OSBPL6: variants seen among roughly 807,000 people sequenced by gnomAD.
The protein encoded by OSBPL6 is oxysterol binding protein like 6.
A neutral mutation model predicts 125.8 loss-of-function variants in OSBPL6; 49 were observed. That is an observed-to-expected ratio of 0.39 (90% CI 0.31 to 0.49). The LOEUF is 0.49. OSBPL6 is among the 20% of genes least tolerant of loss of function. The pLI is 0.88. For missense variants in OSBPL6, 986 were observed against 1,135.4 expected (o/e 0.87, Z 1.89); for synonymous variants, 394 against 391.8 (o/e 1.01, Z -0.07).
chr2:178,267,293 G>A (rs946058723), intron 1 of OSBPL6, among the ~76,000 whole-genome samples: 1 of 145,496 alleles, frequency 6.9e-6, no homozygotes, highest in South Asian at 2.2e-4. Flanking sequence ...GGCGGAGGTT[G>A]CAGTGAGCTG....
intron 3 of OSBPL6, among the ~76,000 whole-genome samples, chr2:178,318,563 G>C (rs1214535632): frequency 6.6e-6 from 1 of 152,192 alleles, no homozygotes; most frequent in Non-Finnish European, 1.5e-5. Flanking sequence ...TGTTTTGAAG[G>C]AAAATCCACA....
chr2:178,332,806 C>CGTAG, intron 7 of OSBPL6, 52 bp downstream of exon 7: 3 of 1,610,006 alleles, frequency 1.9e-6, no homozygotes, highest in Non-Finnish European at 2.5e-6. Flanking sequence ...AAACGATTTG[C>CGTAG]CTACACCAGT....
chr2:178,262,393 G>A (rs1435889890), intron 1 of OSBPL6, among the ~76,000 whole-genome samples: 1 of 152,080 alleles, frequency 6.6e-6, no homozygotes, highest in African/African-American at 2.4e-5. Flanking sequence ...AAAGAAAATT[G>A]TTTTTGATGA....
At chr2:178,286,638 T>A (rs1684719062) in intron 2 of OSBPL6, among the ~76,000 whole-genome samples, 1 of 152,164 alleles carries the variant, frequency 6.6e-6, no homozygotes, top group Non-Finnish European at 1.5e-5. Flanking sequence ...GTGGAGGGTG[T>A]CATCTCAGGG....
At chr2:178,339,586 G>T in intron 10 of OSBPL6, 86 bp from the exon 11 acceptor site, 1 of 1,072,592 alleles carries the variant, frequency 9.3e-7, no homozygotes, top group Non-Finnish European at 1.3e-6. Flanking sequence ...ATGACCTTTA[G>T]TAACTTGCTG....
intron 3 of OSBPL6, among the ~76,000 whole-genome samples, chr2:178,317,464 A>G (rs1260091910): frequency 1.5e-5 from 2 of 130,858 alleles, no homozygotes; most frequent in East Asian, 4.3e-4. Context: ...ATATATATAT[A>G]TATATATATA....
At chr2:178,236,075 A>G (rs1403504494) in intron 1 of OSBPL6, among the ~76,000 whole-genome samples, 1 of 152,064 alleles carries the variant, frequency 6.6e-6, no homozygotes, top group Admixed American at 6.5e-5. Context: ...CTCATTTTAT[A>G]TGTTCTCTGC....
At chr2:178,394,197 G>A (rs1559333934) in intron 23 of OSBPL6, 116 bp from the exon 24 acceptor site, 11 of 1,341,874 alleles carry the variant, frequency 8.2e-6, no homozygotes, top group East Asian at 7.1e-5. Flanking sequence ...GACTCCGTCC[G>A]TTACTGTGCG....
chr2:178,387,171 T>C, intron 20 of OSBPL6, 32 bp downstream of exon 20: 1 of 1,509,060 alleles, frequency 6.6e-7, no homozygotes, highest in Non-Finnish European at 9.2e-7. Context: ...TTTGGCCTCT[T>C]GTCTGCTTTT....
chr2:178,290,921 T>G (rs1685197704), intron 2 of OSBPL6, among the ~76,000 whole-genome samples: 1 of 152,136 alleles, frequency 6.6e-6, no homozygotes, highest in African/African-American at 2.4e-5. Flanking sequence ...TTTTTTAATT[T>G]TATATTTGTA....
chr2:178,234,521 G>C (rs2090969700), intron 1 of OSBPL6, among the ~76,000 whole-genome samples: 1 of 152,110 alleles, frequency 6.6e-6, no homozygotes, highest in Non-Finnish European at 1.5e-5. Flanking sequence ...ACATTTCACT[G>C]TTTCCCCCAA....
intron 1 of OSBPL6, among the ~76,000 whole-genome samples, chr2:178,262,423 A>G (rs1194632360): frequency 1.5e-4 from 23 of 152,226 alleles, no homozygotes; most frequent in Non-Finnish European, 1.3e-4. Context: ...CAAATTTACC[A>G]GTATTTTAGG....
At chr2:178,385,351 T>C (rs1380493093) in intron 18 of OSBPL6, 107 bp from the exon 19 acceptor site, 1 of 762,324 alleles carries the variant, frequency 1.3e-6, no homozygotes, top group Non-Finnish European at 2.2e-6. Context: ...AAGCATGAAG[T>C]CTTACAGATT....
chr2:178,325,170 A>G (rs1393031029), intron 4 of OSBPL6, among the ~76,000 whole-genome samples: 1 of 152,206 alleles, frequency 6.6e-6, no homozygotes, highest in Admixed American at 6.5e-5. Context: ...GAGATTTTCA[A>G]TGGGCTTCCT....
chr2:178,331,421 A>G, intron 5 of OSBPL6, 131 bp from the exon 6 acceptor site: 2 of 934,614 alleles, frequency 2.1e-6, no homozygotes, highest in Non-Finnish European at 3.5e-6. Flanking sequence ...GGCCAAATGC[A>G]CTGAATCCAG....
chr2:178,269,630 C>CATATG (rs2092327740), intron 1 of OSBPL6, among the ~76,000 whole-genome samples: 3 of 152,102 alleles, frequency 2.0e-5, no homozygotes, highest in African/African-American at 7.2e-5. Context: ...GAATTTTTCC[C>CATATG]AGTGTTAGCA....
intron 4 of OSBPL6, 95 bp from the exon 5 acceptor site, chr2:178,328,161 T>C (rs1688862813): frequency 3.9e-6 from 6 of 1,527,276 alleles, no homozygotes; most frequent in African/African-American, 2.8e-5. Context: ...GTGGGCCTAG[T>C]ACTGCTTCAA....
intron 3 of OSBPL6, among the ~76,000 whole-genome samples, chr2:178,307,298 G>A (rs1202903410): frequency 6.6e-6 from 1 of 152,054 alleles, no homozygotes; most frequent in Non-Finnish European, 1.5e-5. Flanking sequence ...TACACTGCTG[G>A]GGATGCTTTT....
At chr2:178,339,810 A>G (rs745894223) in intron 11 of OSBPL6, 46 bp downstream of exon 11, 1 of 1,444,774 alleles carries the variant, frequency 6.9e-7, no homozygotes, top group South Asian at 1.3e-5. Flanking sequence ...CATATTTTTA[A>G]AGTACTAGTC....
Sources: gnomAD v4.1 joint callset for allele counts (sites outside exome capture counted in the v4.1 genomes callset) on GRCh38, gnomAD v4.1.1 for gene constraint, MANE v1.5 for transcripts, NCBI Gene and HGNC (gene_info 2026-07-23, HGNC 2026-07-21) for gene names.